The following TTBK2 variants were observed in gnomAD, a reference collection of about 807,000 sequenced individuals.
TTBK2 encodes the protein tau-tubulin kinase 2.
A neutral mutation model predicts 110.8 loss-of-function variants in TTBK2; 28 were observed. The observed-to-expected ratio is 0.25, with a 90% confidence interval of 0.19 to 0.35. The LOEUF is 0.35. Among genes scored for constraint, TTBK2 ranks in the 10% least tolerant of loss-of-function variants. The probability of loss-of-function intolerance (pLI) is 1.00; values close to 1 mark genes in which losing one functional copy is unlikely to be tolerated. For missense variants in TTBK2, 1,369 were observed against 1,500.3 expected, an observed-to-expected ratio of 0.91 and a Z score of 1.45; for synonymous variants, 532 against 527.3, an observed-to-expected ratio of 1.01 and a Z score of -0.12.
At chr15:42,877,926 T>A (rs1254033993) in intron 2 of TTBK2, among the ~76,000 whole-genome samples, 1 of 151,858 alleles carries the variant, frequency 6.6e-6, no homozygotes, top group Non-Finnish European at 1.5e-5. Flanking sequence ...ACAAAATTAA[T>A]CATACATTGA....
intron 3 of TTBK2, among the ~76,000 whole-genome samples, chr15:42,868,748 G>A (rs542128756): frequency 2.3e-4 from 35 of 151,684 alleles, no homozygotes; most frequent in African/African-American, 8.2e-4. Context: ...TGTGGTCCCA[G>A]CTACTCTGGA....
In TTBK2 at chr15:42,807,403, CTAT is replaced by C. The variant is rs533415613; in HGVS notation, c.822+3208_822+3210del. ...TTTGTGTTACCAGGATCACGTGATC[CTAT>C]TATTATTATTATTATTATTATTTTT... is the stretch of plus-strand genomic sequence containing the variant. On this transcript the variant is annotated intron_variant, in intron 9 of 14. Transcript: ENST00000267890. 3.2e-3 allele frequency among the ~76,000 whole-genome samples: 486 copies of C among 151,006 alleles called. 2 individuals carry two copies. Among genetic ancestry groups the C allele is most frequent in the Admixed American group, 0.012 (178 of 15,132 alleles).
At chr15:42,828,497 C>T (rs71476403) in intron 5 of TTBK2, among the ~76,000 whole-genome samples, 2 of 150,754 alleles carry the variant, frequency 1.3e-5, no homozygotes, top group Admixed American at 6.6e-5. Context: ...GGGTGGATCA[C>T]GAGGTCAGGA....
intron 3 of TTBK2, among the ~76,000 whole-genome samples, chr15:42,855,966 G>A (rs931288956): frequency 1.2e-4 from 18 of 152,200 alleles, no homozygotes; most frequent in African/African-American, 4.1e-4. Flanking sequence ...ACAGGCGTGA[G>A]CCACCATGCC....
At chr15:42,754,938 G>T (rs909144113) in intron 13 of TTBK2, among the ~76,000 whole-genome samples, 1 of 146,170 alleles carries the variant, frequency 6.8e-6, no homozygotes, top group Non-Finnish European at 1.5e-5. Context: ...AACCCGAGAG[G>T]CAGAGGTTGT....
At position 42,745,059 on chromosome 15, in the gene TTBK2, C is replaced by T. The variant is rs1441674482; in HGVS notation, c.*736G>A. 2 of 153,652 alleles carry T rather than the reference C, an allele frequency of 1.3e-5. No individual in the cohort carries two copies. Among genetic ancestry groups the T allele is most frequent in the Non-Finnish European group, 2.9e-5 (2 of 68,158 alleles). The allele number at this position is 153,652 out of a possible 1,614,324, so 9.5% of individuals were successfully genotyped here. A position where few individuals can be genotyped will look rare whatever the true frequency, so the allele number is the denominator to read the frequency against. ...ACTTTTCTTTCCTTTACCTAACTTT[C>T]TTATTTTTCATAATAAAAATGTAAT... On this transcript the variant is annotated 3_prime_UTR_variant, in exon 15 of 15. Coordinates refer to ENST00000267890, the MANE Select transcript of TTBK2 (RefSeq NM_173500.4).
rs75800297 is a variant in TTBK2 at position 42,791,430 on chromosome 15, C to T, written c.980+3214G>A. ...AACCTGACTGTTATTTCTTCTCTGC[C>T]TTCAATTTGCATTACCTTCTCTCTA... On this transcript the variant is annotated intron_variant, in intron 10 of 14. Transcript: ENST00000267890. Among the ~76,000 whole-genome samples the T allele has an allele frequency of 1.5e-3, 227 of 152,300 alleles. 4 individuals carry two copies. In the East Asian group the frequency reaches 0.037, roughly 25 times the overall value.
chr15:42,777,485 A>T (rs973829240), intron 11 of TTBK2, among the ~76,000 whole-genome samples: 1 of 152,210 alleles, frequency 6.6e-6, no homozygotes, highest in African/African-American at 2.4e-5. Flanking sequence ...CACAAACATA[A>T]ATAATCTAAA....
chr15:42,766,330 G>T (rs1889369543), intron 13 of TTBK2, among the ~76,000 whole-genome samples: 1 of 151,122 alleles, frequency 6.6e-6, no homozygotes, highest in Admixed American at 6.6e-5. Flanking sequence ...CTGGCAAACT[G>T]GATAAAGAGT....
chr15:42,897,148 A>T (rs1274504158), intron 1 of TTBK2, among the ~76,000 whole-genome samples: 1 of 152,114 alleles, frequency 6.6e-6, no homozygotes, highest in African/African-American at 2.4e-5. Flanking sequence ...AAGTGCTGGG[A>T]TTACAGGTGT....
At chr15:42,754,085 CTTTT>C (rs68057465) in intron 13 of TTBK2, among the ~76,000 whole-genome samples, 6 of 132,210 alleles carry the variant, frequency 4.5e-5, no homozygotes, top group African/African-American at 8.9e-5. Flanking sequence ...CTAATGTTTT[CTTTT>C]TTTTTTTTTT....
At position 42,824,676 on chromosome 15, in the gene TTBK2, C is replaced by T. The variant is rs545296185; in HGVS notation, c.537+3252G>A. Among the ~76,000 whole-genome samples the T allele has an allele frequency of 1.6e-3, 236 of 152,062 alleles. 1 individual carries two copies. The Middle Eastern group carries it at 0.017, about 11-fold the overall frequency. On this transcript the variant is annotated intron_variant, in intron 6 of 14. Transcript: ENST00000267890. Reference sequence around the variant, plus strand: ...AACAGTATCTGTTATGATGAGAACTCGTAGACACAAAGGGAACGATGTACA... The same window carrying T: ...AACAGTATCTGTTATGATGAGAACTTGTAGACACAAAGGGAACGATGTACA...
intron 3 of TTBK2, among the ~76,000 whole-genome samples, chr15:42,842,961 T>A (rs995593671): frequency 9.8e-5 from 15 of 152,286 alleles, no homozygotes; most frequent in Non-Finnish European, 1.9e-4. Context: ...GATAAAATGA[T>A]GGTCATTAGC....
chr15:42,783,694 C>A, intron 10 of TTBK2, 59 bp from the exon 11 acceptor site: 3 of 1,176,326 alleles, frequency 2.6e-6, no homozygotes, highest in Non-Finnish European at 3.8e-6. Flanking sequence ...GACTATCTTA[C>A]ATCATTTTAT....
At chr15:42,756,618 G>T (rs1178182526) in intron 13 of TTBK2, among the ~76,000 whole-genome samples, 1 of 151,916 alleles carries the variant, frequency 6.6e-6, no homozygotes, top group Admixed American at 6.6e-5. Context: ...AACTCCATTG[G>T]TCTTCTGAGA....
chr15:42,830,312 C>T lies in TTBK2; in HGVS notation c.292-234G>A, dbSNP rs529577929. Among the ~76,000 whole-genome samples, 447 of 152,068 alleles carry T rather than the reference C, an allele frequency of 2.9e-3. 1 individual carries two copies. The highest frequency in any genetic ancestry group is 4.7e-3 in the Non-Finnish European group (322 of 67,980). ...AAGCGATTCTCCTGCTTCAGCCTCC[C>T]GAGTAGCTGGGGTTACAGGTGCATG... On this transcript the variant is annotated intron_variant, in intron 4 of 14. Transcript: ENST00000267890.
intron 3 of TTBK2, among the ~76,000 whole-genome samples, chr15:42,872,337 T>C (rs2141116603): frequency 6.6e-6 from 1 of 152,286 alleles, no homozygotes; most frequent in South Asian, 2.1e-4. Flanking sequence ...GACAATACTT[T>C]CCGAAGCAGT....
intron 9 of TTBK2, among the ~76,000 whole-genome samples, chr15:42,804,068 G>T (rs1357985452): frequency 6.7e-6 from 1 of 149,860 alleles, no homozygotes; most frequent in African/African-American, 2.5e-5. Flanking sequence ...GCATCACTGT[G>T]GTACATGTAA....
chr15:42,773,383 GCCGAGATCACA>G (rs892551276), intron 13 of TTBK2, among the ~76,000 whole-genome samples: 26 of 150,928 alleles, frequency 1.7e-4, no homozygotes, highest in Admixed American at 1.6e-3. Context: ...GTTGCAGTGA[GCCGAGATCACA>G]CCACTGCACT....
Sources: gnomAD v4.1 joint callset for allele counts (sites outside exome capture counted in the v4.1 genomes callset) on GRCh38, gnomAD v4.1.1 for gene constraint, MANE v1.5 for transcripts, NCBI Gene and HGNC (gene_info 2026-07-23, HGNC 2026-07-21) for gene names.